Variants in FBXL17 observed in about 807,000 individuals in gnomAD.
The protein encoded by FBXL17 is F-box/LRR-repeat protein 17.
Under a neutral mutation model 66.2 loss-of-function variants are expected in FBXL17, and 22 were observed. The observed-to-expected ratio is 0.33, with a 90% CI of 0.24 to 0.47. The LOEUF (loss-of-function observed/expected upper bound fraction) is 0.47, where lower values mean the gene tolerates loss of function less well. Ranked by LOEUF, FBXL17 falls within the 20% of genes least tolerant of loss-of-function variation. The pLI, the probability that FBXL17 is intolerant of heterozygous loss-of-function variation, is 1.00. For synonymous variants in FBXL17, 474 were observed against 400.5 expected, an observed-to-expected ratio of 1.18 and a Z score of -2.19; for missense variants, 878 against 948.2, an observed-to-expected ratio of 0.93 and a Z score of 0.97.
At chr5:108,278,571 C>A (rs1757575532) in intron 4 of FBXL17, among the ~76,000 whole-genome samples, 1 of 152,198 alleles carries the variant, frequency 6.6e-6, no homozygotes, top group Non-Finnish European at 1.5e-5. Flanking sequence ...TTGGCAGGGG[C>A]TCCAATGGCC....
At chr5:108,061,286 C>A (rs546729913) in intron 6 of FBXL17, among the ~76,000 whole-genome samples, 329 of 148,846 alleles carry the variant, frequency 2.2e-3, no homozygotes, top group Non-Finnish European at 3.4e-3. Context: ...AAACCCCATA[C>A]AAAAAAAAGA....
intron 6 of FBXL17, among the ~76,000 whole-genome samples, chr5:108,036,033 G>GTA (rs1386544417): frequency 1.3e-5 from 2 of 152,136 alleles, no homozygotes; most frequent in Non-Finnish European, 2.9e-5. Flanking sequence ...GCTGTGCCTG[G>GTA]TATACCTAAC....
At chr5:108,086,585 G>A (rs1351464833) in intron 6 of FBXL17, among the ~76,000 whole-genome samples, 1 of 152,056 alleles carries the variant, frequency 6.6e-6, no homozygotes, top group Admixed American at 6.5e-5. Flanking sequence ...TTGAGATAGA[G>A]TTTCACTCTG....
chr5:108,292,737 C>G (rs75516686), intron 4 of FBXL17, among the ~76,000 whole-genome samples: 182 of 152,262 alleles, frequency 1.2e-3, no homozygotes, highest in African/African-American at 4.3e-3. Context: ...TCTTTCTCCT[C>G]CTAAATAATA....
intron 6 of FBXL17, among the ~76,000 whole-genome samples, chr5:108,060,790 G>T (rs1747889495): frequency 1.3e-5 from 2 of 151,534 alleles, no homozygotes; most frequent in South Asian, 4.2e-4. Flanking sequence ...TCCTTTCACT[G>T]CCACCTCCAT....
At chr5:108,167,049 T>A (rs1022274920) in intron 6 of FBXL17, among the ~76,000 whole-genome samples, 1 of 152,178 alleles carries the variant, frequency 6.6e-6, no homozygotes, top group Admixed American at 6.6e-5. Context: ...GCATAAAATA[T>A]AAGTAGAGAT....
chr5:108,126,656 T>TATATAC (rs1750721186), intron 6 of FBXL17, among the ~76,000 whole-genome samples: 1 of 124,074 alleles, frequency 8.1e-6, no homozygotes, highest in Non-Finnish European at 1.7e-5. Flanking sequence ...TCTCTCTATA[T>TATATAC]ATATATACAT....
chr5:108,043,668 C>G (rs999870564), intron 6 of FBXL17, among the ~76,000 whole-genome samples: 1 of 152,148 alleles, frequency 6.6e-6, no homozygotes, highest in Non-Finnish European at 1.5e-5. Flanking sequence ...TGTATTCCCC[C>G]AACTTCACTG....
At chr5:108,246,689 T>C (rs1396240226) in intron 4 of FBXL17, among the ~76,000 whole-genome samples, 1 of 152,228 alleles carries the variant, frequency 6.6e-6, no homozygotes, top group African/African-American at 2.4e-5. Context: ...CATTGAGTTG[T>C]AAGGATTAAC....
chr5:108,261,527 T>C (rs370979635), intron 4 of FBXL17, among the ~76,000 whole-genome samples: 1 of 152,236 alleles, frequency 6.6e-6, no homozygotes, highest in South Asian at 2.1e-4. Flanking sequence ...ATTTTGACTC[T>C]AGAATTTTAC....
chr5:108,257,274 T>C (rs1237772587), intron 4 of FBXL17, among the ~76,000 whole-genome samples: 1 of 152,176 alleles, frequency 6.6e-6, no homozygotes, highest in East Asian at 1.9e-4. Flanking sequence ...TCAGTTTCCT[T>C]ATCTATAAAA....
At chr5:107,946,771 C>T (rs2112599423) in intron 7 of FBXL17, among the ~76,000 whole-genome samples, 1 of 152,058 alleles carries the variant, frequency 6.6e-6, no homozygotes, top group Non-Finnish European at 1.5e-5. Context: ...TATAGTACCA[C>T]TTTGTAAAAA....
At chr5:108,196,131 T>C (rs1753671064) in intron 5 of FBXL17, among the ~76,000 whole-genome samples, 1 of 152,020 alleles carries the variant, frequency 6.6e-6, no homozygotes, top group Admixed American at 6.6e-5. Context: ...AGTGAATAAA[T>C]TCTGAATTAA....
intron 4 of FBXL17, among the ~76,000 whole-genome samples, chr5:108,260,715 TG>T (rs1325937345): frequency 6.6e-6 from 1 of 152,046 alleles, no homozygotes; most frequent in Admixed American, 6.5e-5. Context: ...ATTGTGCCTG[TG>T]GAACTTTAAG....
chr5:107,949,851 T>C (rs1224368431), intron 7 of FBXL17, among the ~76,000 whole-genome samples: 6 of 152,198 alleles, frequency 3.9e-5, no homozygotes, highest in Non-Finnish European at 7.3e-5. Flanking sequence ...CAACAGGAAG[T>C]AGCTGAAACA....
At chr5:108,189,288 G>GGATGC (rs1753366632) in intron 5 of FBXL17, among the ~76,000 whole-genome samples, 1 of 7,794 alleles carries the variant, frequency 1.3e-4, no homozygotes, top group Admixed American at 1.1e-3. Flanking sequence ...AGAATTCATA[G>GGATGC]GATGGGATGG....
At chr5:108,236,653 G>C (rs1755617447) in intron 4 of FBXL17, among the ~76,000 whole-genome samples, 1 of 152,158 alleles carries the variant, frequency 6.6e-6, no homozygotes, top group Non-Finnish European at 1.5e-5. Context: ...GAGACCTCAA[G>C]ACCAATTCAA....
chr5:107,890,084 C>A (rs1456656953), intron 7 of FBXL17, among the ~76,000 whole-genome samples: 3 of 152,026 alleles, frequency 2.0e-5, no homozygotes, highest in Non-Finnish European at 4.4e-5. Context: ...TCGCTGAGAA[C>A]CTAAAGTCCC....
chr5:108,173,414 A>T (rs538250093), intron 6 of FBXL17, among the ~76,000 whole-genome samples: 50 of 152,264 alleles, frequency 3.3e-4, no homozygotes, highest in Non-Finnish European at 4.7e-4. Context: ...TAAAATAAAA[A>T]AAAGAAAATA....
Sources: allele counts gnomAD v4.1 joint callset (sites outside exome capture counted in the v4.1 genomes callset), GRCh38; gene constraint gnomAD v4.1.1; transcripts MANE v1.5; gene names NCBI Gene and HGNC (gene_info 2026-07-23, HGNC 2026-07-21).